The following SLC39A11 variants were observed in gnomAD, a reference collection of about 807,000 sequenced individuals.
SLC39A11 encodes the protein solute carrier family 39 member 11.
Under a neutral mutation model 36.1 loss-of-function variants are expected in SLC39A11, and 33 were observed. The ratio of observed to expected loss-of-function variants is 0.91; its 90% CI spans 0.69 to 1.22. The LOEUF is 1.22. SLC39A11 is among the 50% of genes most tolerant of loss of function. SLC39A11 has a pLI of 0.00. For synonymous variants in SLC39A11, 166 were observed against 170.3 expected (o/e 0.97, Z 0.20); for missense variants, 432 against 430.3 (o/e 1.00, Z -0.03).
At chr17:73,069,683 G>C (rs531490326) in intron 3 of SLC39A11, among the ~76,000 whole-genome samples, 84 of 152,296 alleles carry the variant, frequency 5.5e-4, no homozygotes, top group Non-Finnish European at 1.1e-3. Context: ...ATTTGGTCTT[G>C]ACATGCAAGG....
At chr17:73,043,093 T>C (rs556438020) in intron 3 of SLC39A11, among the ~76,000 whole-genome samples, 5 of 152,046 alleles carry the variant, frequency 3.3e-5, no homozygotes, top group African/African-American at 1.2e-4. Context: ...TCTGCAGTCA[T>C]GCCAAGAAAG....
chr17:72,712,681 C>G (rs1345730443), intron 7 of SLC39A11: 1 of 152,140 alleles, frequency 6.6e-6, no homozygotes, highest in African/African-American at 2.4e-5. Flanking sequence ...GTAACCCTCC[C>G]CTAGAAAGCT....
chr17:72,887,568 C>T lies in SLC39A11; in HGVS notation c.431-37764G>A, dbSNP rs180831828. 5.3e-5 allele frequency among the ~76,000 whole-genome samples: 8 copies of T among 152,328 alleles called. No homozygotes were observed. The East Asian group carries it at 5.8e-4, about 11-fold the overall frequency. ...AACAGTTTCCCGTCTTCCGTCATAA[C>T]GAGAACAGTCGCAGCCATGCTATAA... On this transcript the variant is annotated intron_variant, in intron 5 of 9. Coordinates refer to ENST00000255559, the MANE Select transcript of SLC39A11 (RefSeq NM_139177.4).
At chr17:72,951,304 G>C (rs1017832534) in intron 4 of SLC39A11, among the ~76,000 whole-genome samples, 3 of 149,382 alleles carry the variant, frequency 2.0e-5, no homozygotes, top group African/African-American at 7.4e-5. Context: ...ATAGTGCTGA[G>C]CTTCAGATAC....
At chr17:72,699,159 T>G (rs1165693560) in intron 7 of SLC39A11, among the ~76,000 whole-genome samples, 1 of 152,050 alleles carries the variant, frequency 6.6e-6, no homozygotes, top group Non-Finnish European at 1.5e-5. Context: ...GGGACCGAAA[T>G]CACTCTAGAC....
At chr17:72,931,752 G>A (rs139831015) in intron 5 of SLC39A11, among the ~76,000 whole-genome samples, 77 of 152,298 alleles carry the variant, frequency 5.1e-4, no homozygotes, top group African/African-American at 1.8e-3. Flanking sequence ...CCACAACTCT[G>A]CTTGAATCCT....
intron 4 of SLC39A11, among the ~76,000 whole-genome samples, chr17:72,976,720 C>T (rs555446597): frequency 3.9e-5 from 6 of 152,090 alleles, no homozygotes; most frequent in South Asian, 2.1e-4. Flanking sequence ...CATGGTGGCA[C>T]GTGCCTATAA....
intron 7 of SLC39A11, among the ~76,000 whole-genome samples, chr17:72,690,704 A>T (rs961203292): frequency 6.6e-6 from 1 of 152,182 alleles, no homozygotes; most frequent in African/African-American, 2.4e-5. Flanking sequence ...GAGACACCAG[A>T]TGCACCCTGT....
chr17:72,923,965 C>T lies in SLC39A11; in HGVS notation c.430+23787G>A, dbSNP rs112761745. Among the ~76,000 whole-genome samples, 937 of 151,646 alleles carry T rather than the reference C, an allele frequency of 6.2e-3. 6 individuals carry two copies. Among genetic ancestry groups the T allele is most frequent in the African/African-American group, 0.021 (862 of 41,330 alleles). On this transcript the variant is annotated intron_variant, in intron 5 of 9. Coordinates refer to ENST00000255559, the MANE Select transcript of SLC39A11 (RefSeq NM_139177.4). ...TTCAAGACCAGCCCAAACAATATGGCGAAGACTTGTCGCTACAACAAATTT... is the reference window on the plus strand; with the variant it reads ...TTCAAGACCAGCCCAAACAATATGGTGAAGACTTGTCGCTACAACAAATTT...
At chr17:72,761,719 A>G (rs966386815) in intron 6 of SLC39A11, among the ~76,000 whole-genome samples, 2 of 152,210 alleles carry the variant, frequency 1.3e-5, no homozygotes, top group African/African-American at 4.8e-5. Flanking sequence ...TCTAAGATCA[A>G]GTGTGGGTTT....
At chr17:72,705,560 T>C (rs1360790870) in intron 7 of SLC39A11, among the ~76,000 whole-genome samples, 1 of 152,194 alleles carries the variant, frequency 6.6e-6, no homozygotes, top group Admixed American at 6.5e-5. Flanking sequence ...GGCCCATCTC[T>C]TCCATCTGAA....
At chr17:72,706,879 G>A (rs1370673146) in intron 7 of SLC39A11, among the ~76,000 whole-genome samples, 1 of 152,154 alleles carries the variant, frequency 6.6e-6, no homozygotes, top group Admixed American at 6.5e-5. Context: ...TGAGTAACAG[G>A]GCCCAGGCAT....
Position 73,088,688 on chromosome 17 carries a change from G to T in SLC39A11, c.77C>A (p.Ala26Glu). The T allele has an allele frequency of 6.2e-7, 1 of 1,612,640 alleles. No homozygotes were observed. Among genetic ancestry groups the T allele is most frequent in the Non-Finnish European group, 8.5e-7 (1 of 1,179,406 alleles). Reference protein sequence around the residue: ...FFTWGMTAAGAALVFVFSSGQ... With the variant: ...FFTWGMTAAGEALVFVFSSGQ... ...ACTAGAGAATACGAACACGAGAGCT[G>T]CCCCAGCTGCTGTCATCCCCCAGGT... Residue 26 changes from alanine (A) to glutamate (E), a missense_variant, in exon 2 of 10, where the codon GCA (alanine) becomes GAA (glutamate). Physicochemically the swap from Ala to Glu is moderately radical, Grantham distance 107. Transcript: ENST00000255559.
intron 4 of SLC39A11, among the ~76,000 whole-genome samples, chr17:72,997,759 G>A (rs771149252): frequency 3.3e-5 from 5 of 152,206 alleles, no homozygotes; most frequent in African/African-American, 4.8e-5. Context: ...TACCCGCATT[G>A]TCTACGCTAG....
At chr17:72,967,222 C>T (rs928626156) in intron 4 of SLC39A11, among the ~76,000 whole-genome samples, 3 of 152,170 alleles carry the variant, frequency 2.0e-5, no homozygotes, top group African/African-American at 7.2e-5. Context: ...CCACAACCAT[C>T]CATCCCCCGC....
At chr17:72,949,941 G>A (rs1041640258) in intron 4 of SLC39A11, among the ~76,000 whole-genome samples, 1 of 132,734 alleles carries the variant, frequency 7.5e-6, no homozygotes, top group Non-Finnish European at 1.6e-5. Context: ...AGGGATACCA[G>A]GCTGCTGTGA....
intron 3 of SLC39A11, among the ~76,000 whole-genome samples, chr17:73,079,699 T>G (rs1568239473): frequency 6.6e-6 from 1 of 152,112 alleles, no homozygotes; most frequent in Non-Finnish European, 1.5e-5. Context: ...AAAGAGGAAG[T>G]CAAACATCGC....
intron 6 of SLC39A11, among the ~76,000 whole-genome samples, chr17:72,752,476 C>CTCAGG (rs1052445060): frequency 6.6e-6 from 1 of 152,124 alleles, no homozygotes. Context: ...AACTCCTGAC[C>CTCAGG]TCAGGTGATC....
intron 4 of SLC39A11, among the ~76,000 whole-genome samples, chr17:73,021,637 TC>T (rs2058355967): frequency 6.6e-6 from 1 of 152,108 alleles, no homozygotes; most frequent in Non-Finnish European, 1.5e-5. Context: ...TCTTTCCCCT[TC>T]CATACTCATA....
Sources: gnomAD v4.1 joint callset for allele counts (sites outside exome capture counted in the v4.1 genomes callset) on GRCh38, gnomAD v4.1.1 for gene constraint, MANE v1.5 for transcripts, NCBI Gene and HGNC (gene_info 2026-07-23, HGNC 2026-07-21) for gene names.